FRMD5: variants seen among roughly 807,000 people sequenced by gnomAD.
FRMD5 encodes FERM domain containing 5, also known as FERM domain-containing protein 5.
A neutral mutation model predicts 69.0 loss-of-function variants in FRMD5; 20 were observed. That is an observed-to-expected ratio of 0.29 (90% CI 0.20 to 0.42). The LOEUF (loss-of-function observed/expected upper bound fraction) is 0.42, where lower values mean the gene tolerates loss of function less well. Among genes scored for constraint, FRMD5 ranks in the 10% least tolerant of loss-of-function variants. The pLI, the probability that FRMD5 is intolerant of heterozygous loss-of-function variation, is 1.00. For missense variants in FRMD5, 595 were observed against 708.6 expected, an observed-to-expected ratio of 0.84 and a Z score of 1.82; for synonymous variants, 271 against 260.1, an observed-to-expected ratio of 1.04 and a Z score of -0.40.
Position 43,888,814 on chromosome 15 carries a change from T to C in FRMD5, c.787A>G (p.Lys263Glu), listed in dbSNP as rs2088725795. ...GKTFYLYVSQ[K>E]EEKKIILTYF... ...AGAAGGAAGCCAGCACTCACCTCTT[T>C]CTGACTTACGTATAAATAGAAAGTC... Residue 263 changes from lysine to glutamate, a missense_variant, in exon 9 of 14, where the codon AAA becomes GAA. Physicochemically the swap from Lys to Glu is moderately conservative, Grantham distance 56. Coordinates refer to ENST00000417257, the MANE Select transcript of FRMD5 (RefSeq NM_032892.5). 1.2e-6 allele frequency: 2 copies of C among 1,613,434 alleles called. No homozygotes were observed. The highest frequency in any genetic ancestry group is 1.1e-5 in the South Asian group (1 of 91,060).
chr15:43,938,663 A>C (rs892143308), intron 1 of FRMD5, among the ~76,000 whole-genome samples: 2 of 152,180 alleles, frequency 1.3e-5, no homozygotes, highest in Non-Finnish European at 2.9e-5. Context: ...CAACCAGAAC[A>C]CCACTCCTGT....
At chr15:44,007,936 G>A (rs907710573) in intron 1 of FRMD5, among the ~76,000 whole-genome samples, 3 of 151,902 alleles carry the variant, frequency 2.0e-5, no homozygotes, top group Non-Finnish European at 4.4e-5. Context: ...GAGCCACTGC[G>A]CCTGGCTGCT....
Position 44,195,215 on chromosome 15 carries a change from T to C in FRMD5, c.-161A>G. On this transcript the variant is annotated 5_prime_UTR_variant, in exon 1 of 14. Transcript: ENST00000417257. ...CTGGCCTCGTTCCTCCTCCTTATCC[T>C]CCTCCTTCCCTCAGCCGCCACCGCC... is the stretch of plus-strand genomic sequence containing the variant. The C allele has an allele frequency of 1.8e-6, 1 of 553,934 alleles. No individual in the cohort carries two copies. Among genetic ancestry groups the C allele is most frequent in the Non-Finnish European group, 3.1e-6 (1 of 320,626 alleles). 34.3% of individuals were successfully genotyped at this position (553,934 alleles called of 1,614,324 possible).
intron 1 of FRMD5, among the ~76,000 whole-genome samples, chr15:44,001,700 A>G (rs1340291592): frequency 6.6e-6 from 1 of 150,710 alleles, no homozygotes; most frequent in East Asian, 1.9e-4. Flanking sequence ...TCCGCTTCCC[A>G]CACTCAAGTG....
intron 1 of FRMD5, among the ~76,000 whole-genome samples, chr15:44,158,241 T>C (rs2077557398): frequency 6.6e-6 from 1 of 152,180 alleles, no homozygotes; most frequent in East Asian, 1.9e-4. Context: ...TGTGAGAACT[T>C]AGTAGCAGTT....
In FRMD5 at chr15:44,065,898, A is replaced by G. The variant is rs532336236; in HGVS notation, c.102+129055T>C. On this transcript the variant is annotated intron_variant, in intron 1 of 13. Transcript: ENST00000417257. ...CTAGGGCCTTCATTCAAAACAGATG[A>G]TACAGTTTGTCAGATAAGGTGACTT... Among the ~76,000 whole-genome samples the G allele has an allele frequency of 3.9e-5, 6 of 152,246 alleles. No homozygotes were observed. In the South Asian group the frequency reaches 1.2e-3, roughly 32 times the overall value.
upstream of FRMD5, among the ~76,000 whole-genome samples, chr15:44,196,061 T>C (rs1011436744): frequency 6.6e-6 from 1 of 152,322 alleles, no homozygotes; most frequent in Middle Eastern, 3.4e-3. Context: ...CAAAGAATTG[T>C]CTCCTTCTCT....
chr15:43,878,699 A>AT (rs1256696049), intron 13 of FRMD5, among the ~76,000 whole-genome samples: 1 of 152,066 alleles, frequency 6.6e-6, no homozygotes, highest in Admixed American at 6.6e-5. Flanking sequence ...CACCCTTTCA[A>AT]AGGCCTGCCC....
At chr15:44,084,598 G>A (rs758894421) in intron 1 of FRMD5, among the ~76,000 whole-genome samples, 1 of 151,970 alleles carries the variant, frequency 6.6e-6, no homozygotes, top group Middle Eastern at 3.2e-3. Context: ...AACCTTTTTT[G>A]TATATTATCC....
At chr15:43,951,283 A>G (rs528476464) in intron 1 of FRMD5, among the ~76,000 whole-genome samples, 11 of 151,738 alleles carry the variant, frequency 7.2e-5, no homozygotes, top group East Asian at 1.9e-4. Context: ...TTACCCGGGC[A>G]TGGTGGCGGG....
rs1365683744 is a variant in FRMD5, at chr15:43,873,950, A to C, written c.1648T>G (p.Cys550Gly). 1 of 1,614,242 alleles carries C rather than the reference A, an allele frequency of 6.2e-7. No homozygotes were observed. The highest frequency in any genetic ancestry group is 8.5e-7 in the Non-Finnish European group (1 of 1,180,048). ...CAGGCAAACCATCGCCTGAGGGGAC[A>C]AAAGTATTGATAGTGGAATTGTTCA... ...EFEQFHYQYF[C>G]PLRRWFACKI... The change falls in exon 14 of 14, where the codon TGT becomes GGT. Residue 550 changes from cysteine to glycine, a missense_variant. Transcript: ENST00000417257.
At chr15:43,905,198 G>A (rs1204862910) in intron 6 of FRMD5, among the ~76,000 whole-genome samples, 1 of 148,706 alleles carries the variant, frequency 6.7e-6, no homozygotes, top group African/African-American at 2.5e-5. Context: ...GTGCAATGGC[G>A]CAACCTCAGC....
chr15:44,169,048 C>T (rs1376880834), intron 1 of FRMD5, among the ~76,000 whole-genome samples: 1 of 152,176 alleles, frequency 6.6e-6, no homozygotes, highest in Non-Finnish European at 1.5e-5. Flanking sequence ...TGGTCACAGG[C>T]CCTGATGAAC....
chr15:44,078,252 C>A (rs1402224630), intron 1 of FRMD5, among the ~76,000 whole-genome samples: 3 of 152,018 alleles, frequency 2.0e-5, no homozygotes. Context: ...TTTTATTCCC[C>A]CTAAGGGTTT....
rs1018664654 is a variant in FRMD5 at position 43,873,566 on chromosome 15, C to T, written c.*319G>A. ...AATAAATTATTTTTATTTGATACTT[C>T]AAAATAATATACATCTATGAAAAAT... On this transcript the variant is annotated 3_prime_UTR_variant, in exon 14 of 14. Coordinates refer to ENST00000417257, the MANE Select transcript of FRMD5 (RefSeq NM_032892.5). The T allele has an allele frequency of 2.9e-6, 4 of 1,399,052 alleles. No individual in the cohort carries two copies. The highest frequency in any genetic ancestry group is 2.4e-4 in the Middle Eastern group (1 of 4,098). 86.7% of individuals were successfully genotyped at this position (1,399,052 alleles called of 1,614,324 possible).
chr15:44,011,039 T>A (rs1595620784), intron 1 of FRMD5, among the ~76,000 whole-genome samples: 1 of 152,122 alleles, frequency 6.6e-6, no homozygotes, highest in South Asian at 2.1e-4. Flanking sequence ...GAGGTACAGA[T>A]AATTTAGAAG....
chr15:44,132,965 G>A lies in FRMD5; in HGVS notation c.102+61988C>T, dbSNP rs375449691. Reference sequence around the variant, plus strand: ...TTTAGTAGAGATGGGGTTTCACCACGTTAGCCGGGATGGTCTCAAACTCCT... The same window carrying A: ...TTTAGTAGAGATGGGGTTTCACCACATTAGCCGGGATGGTCTCAAACTCCT... On this transcript the variant is annotated intron_variant, in intron 1 of 13. Coordinates refer to ENST00000417257, the MANE Select transcript of FRMD5 (RefSeq NM_032892.5). Among the ~76,000 whole-genome samples, 6 of 151,530 alleles carry A rather than the reference G, an allele frequency of 4.0e-5. No individual in the cohort carries two copies. The East Asian group carries it at 6.0e-4, about 15-fold the overall frequency.
At chr15:43,886,356 CTTAACTTTAATAAAAGTCCGTCATGTAT>C (rs1386515963) in intron 10 of FRMD5, among the ~76,000 whole-genome samples, 3 of 152,288 alleles carry the variant, frequency 2.0e-5, no homozygotes, top group Non-Finnish European at 4.4e-5. Context: ...AAGAAACTAG[CTTAACTTTAATAAAAGTCCGTCATGTAT>C]TTGAATTTGG....
intron 1 of FRMD5, among the ~76,000 whole-genome samples, chr15:44,120,121 G>A (rs1379377038): frequency 6.6e-6 from 1 of 152,126 alleles, no homozygotes; most frequent in Non-Finnish European, 1.5e-5. Context: ...AGTTCATAGG[G>A]GGACCTACAA....
Sources: gnomAD v4.1 joint callset for allele counts (sites outside exome capture counted in the v4.1 genomes callset) on GRCh38, gnomAD v4.1.1 for gene constraint, MANE v1.5 for transcripts, NCBI Gene and HGNC (gene_info 2026-07-23, HGNC 2026-07-21) for gene names.